The following ADAMTS3 variants were observed in gnomAD, a reference collection of about 807,000 sequenced individuals.
ADAMTS3 encodes A disintegrin and metalloproteinase with thrombospondin motifs 3.
In ADAMTS3, 73 loss-of-function variants were observed where a neutral mutation model predicts 129.0. The ratio of observed to expected loss-of-function variants is 0.57; its 90% CI spans 0.47 to 0.69. ADAMTS3 has a LOEUF of 0.69. Ranked by LOEUF, ADAMTS3 falls within the 30% of genes least tolerant of loss-of-function variation. The pLI is 0.00. For synonymous variants in ADAMTS3, 477 were observed against 510.8 expected, an observed-to-expected ratio of 0.93 and a Z score of 0.89; for missense variants, 1,457 against 1,514.5, an observed-to-expected ratio of 0.96 and a Z score of 0.63.
intron 3 of ADAMTS3, among the ~76,000 whole-genome samples, chr4:72,540,864 T>C (rs537588509): frequency 6.6e-6 from 1 of 152,340 alleles, no homozygotes; most frequent in Admixed American, 6.5e-5. Flanking sequence ...TGCCTGGATG[T>C]CCAGGCAGAA....
chr4:72,505,262 C>T (rs774921422), intron 3 of ADAMTS3, among the ~76,000 whole-genome samples: 1 of 152,058 alleles, frequency 6.6e-6, no homozygotes, highest in Non-Finnish European at 1.5e-5. Flanking sequence ...TGTTTTGTTT[C>T]TTCTTTCCCT....
At chr4:72,417,555 G>A (rs1722334884) in intron 3 of ADAMTS3, among the ~76,000 whole-genome samples, 1 of 152,152 alleles carries the variant, frequency 6.6e-6, no homozygotes, top group African/African-American at 2.4e-5. Flanking sequence ...GTTGGATCAA[G>A]TGACATCCAT....
At chr4:72,508,495 C>T (rs768095560) in intron 3 of ADAMTS3, among the ~76,000 whole-genome samples, 30 of 152,048 alleles carry the variant, frequency 2.0e-4, no homozygotes, top group African/African-American at 7.0e-4. Context: ...GATTTAAATA[C>T]GTTTCATTTC....
chr4:72,442,477 A>G (rs1016544622), intron 3 of ADAMTS3, among the ~76,000 whole-genome samples: 2 of 151,628 alleles, frequency 1.3e-5, no homozygotes, highest in African/African-American at 4.8e-5. Context: ...AAAAGCAAGA[A>G]AAAGCAAGGC....
chr4:72,441,452 A>T, intron 3 of ADAMTS3, among the ~76,000 whole-genome samples: 1 of 151,694 alleles, frequency 6.6e-6, no homozygotes, highest in East Asian at 2.0e-4. Flanking sequence ...TGTTGTGAAT[A>T]TTTTTTATAA....
chr4:72,320,407 T>A (rs965331469), intron 7 of ADAMTS3, among the ~76,000 whole-genome samples: 1 of 152,210 alleles, frequency 6.6e-6, no homozygotes, highest in African/African-American at 2.4e-5. Context: ...TCATTTCTCA[T>A]GGCATCTCTT....
At chr4:72,290,039 TCTC>T (rs1718615540) in intron 20 of ADAMTS3, among the ~76,000 whole-genome samples, 3 of 152,164 alleles carry the variant, frequency 2.0e-5, no homozygotes, top group Admixed American at 1.3e-4. Flanking sequence ...TATAAACTAT[TCTC>T]CTATGACCCC....
chr4:72,516,894 A>G (rs1720500241), intron 3 of ADAMTS3, among the ~76,000 whole-genome samples: 1 of 152,044 alleles, frequency 6.6e-6, no homozygotes, highest in Admixed American at 6.6e-5. Flanking sequence ...GTGGTGAGAG[A>G]GGGCATCCCT....
At chr4:72,486,390 A>C (rs912597757) in intron 3 of ADAMTS3, among the ~76,000 whole-genome samples, 1 of 152,206 alleles carries the variant, frequency 6.6e-6, no homozygotes, top group African/African-American at 2.4e-5. Flanking sequence ...ATTTCTGCTC[A>C]GTCTTGTACA....
At chr4:72,327,848 T>C (rs1314224828) in intron 5 of ADAMTS3, among the ~76,000 whole-genome samples, 1 of 152,120 alleles carries the variant, frequency 6.6e-6, no homozygotes, top group African/African-American at 2.4e-5. Flanking sequence ...TTAGGTAAAT[T>C]TTAAGAAAAT....
intron 3 of ADAMTS3, among the ~76,000 whole-genome samples, chr4:72,521,758 A>C (rs1342630414): frequency 6.6e-6 from 1 of 150,468 alleles, no homozygotes; most frequent in Non-Finnish European, 1.5e-5. Context: ...AGTTAATCAT[A>C]TCTCTTAATT....
intron 3 of ADAMTS3, among the ~76,000 whole-genome samples, chr4:72,516,827 T>C (rs554172805): frequency 5.9e-4 from 90 of 152,134 alleles, no homozygotes; most frequent in Non-Finnish European, 6.2e-4. Context: ...ATACCCTTTA[T>C]TTCCTTCTCC....
intron 4 of ADAMTS3, among the ~76,000 whole-genome samples, chr4:72,409,574 A>T (rs912972075): frequency 1.3e-5 from 2 of 152,118 alleles, no homozygotes; most frequent in African/African-American, 4.8e-5. Context: ...AAAAAAAAAT[A>T]TAGAGTTACA....
intron 3 of ADAMTS3, among the ~76,000 whole-genome samples, chr4:72,420,190 T>C (rs1462884409): frequency 2.0e-5 from 3 of 152,126 alleles, no homozygotes; most frequent in African/African-American, 7.2e-5. Context: ...CCCTCCCTCA[T>C]CTCAGCATCA....
intron 4 of ADAMTS3, among the ~76,000 whole-genome samples, chr4:72,406,633 C>T (rs942487287): frequency 2.0e-5 from 3 of 152,098 alleles, no homozygotes; most frequent in Admixed American, 6.6e-5. Context: ...GAAATGGGAA[C>T]GAATGATGCT....
At chr4:72,417,565 T>A (rs6833687) in intron 3 of ADAMTS3, among the ~76,000 whole-genome samples, 107,682 of 151,938 alleles carry the variant, frequency 0.71, 38,380 homozygotes, top group South Asian at 0.8. Flanking sequence ...GTGACATCCA[T>A]TAACTCCATG....
At chr4:72,391,314 A>G (rs537131395) in intron 4 of ADAMTS3, among the ~76,000 whole-genome samples, 29 of 152,348 alleles carry the variant, frequency 1.9e-4, no homozygotes, top group Admixed American at 1.2e-3. Flanking sequence ...TCAAATTGGT[A>G]TTAGCCAACC....
rs758575672 is a variant in ADAMTS3 at position 72,304,078 on chromosome 4, T to C, written c.2263A>G (p.Ile755Val). 1 of 1,613,058 alleles carries C rather than the reference T, an allele frequency of 6.2e-7. No individual in the cohort carries two copies. The highest frequency in any genetic ancestry group is 1.1e-5 in the South Asian group (1 of 90,936). The change falls in exon 17 of 22, where the codon ATT (isoleucine) becomes GTT (valine). Residue 755 changes from isoleucine to valine, a missense_variant and splice_region_variant. Coordinates refer to ENST00000286657, the MANE Select transcript of ADAMTS3 (RefSeq NM_014243.3). Reference protein sequence around the residue: ...EDEASPHILAIKNQATGHYIL... With the variant: ...EDEASPHILAVKNQATGHYIL... ...TAATGGCCTGTAGCCTGGTTCTTAATAGCTAAAGGGAGAAAAATGAGTAAC... is the reference window on the plus strand; with the variant it reads ...TAATGGCCTGTAGCCTGGTTCTTAACAGCTAAAGGGAGAAAAATGAGTAAC...
chr4:72,304,698 G>T (rs1719039444), intron 16 of ADAMTS3, among the ~76,000 whole-genome samples: 1 of 151,970 alleles, frequency 6.6e-6, no homozygotes. Flanking sequence ...GAAATAAAAT[G>T]CTGGCTTAAT....
Sources: allele counts gnomAD v4.1 joint callset (sites outside exome capture counted in the v4.1 genomes callset), GRCh38; gene constraint gnomAD v4.1.1; transcripts MANE v1.5; gene names NCBI Gene and HGNC (gene_info 2026-07-23, HGNC 2026-07-21).